The following SAMMSON variants were observed in gnomAD, a reference collection of about 807,000 sequenced individuals.
The protein encoded by SAMMSON is long intergenic non-protein coding RNA 1212.
intron 4 of SAMMSON, among the ~76,000 whole-genome samples, chr3:70,080,656 T>C (rs1025522037): frequency 4.6e-5 from 7 of 152,076 alleles, no homozygotes; most frequent in Non-Finnish European, 1.0e-4. Flanking sequence ...TAAATGACAT[T>C]AATTTACTCT....
At chr3:70,177,122 A>G (rs1229956325) in intron 4 of SAMMSON, among the ~76,000 whole-genome samples, 1 of 152,212 alleles carries the variant, frequency 6.6e-6, no homozygotes, top group African/African-American at 2.4e-5. Context: ...GAGAATATAT[A>G]TACATCTATT....
chr3:70,188,518 G>A (rs558326995), intron 4 of SAMMSON, among the ~76,000 whole-genome samples: 1 of 152,280 alleles, frequency 6.6e-6, no homozygotes, highest in South Asian at 2.1e-4. Context: ...ATTTCCTGGA[G>A]GAGTGAACAG....
chr3:70,104,333 A>G (rs1196036505), intron 4 of SAMMSON, among the ~76,000 whole-genome samples: 2 of 151,624 alleles, frequency 1.3e-5, no homozygotes, highest in Non-Finnish European at 2.9e-5. Context: ...CAATTTCCAT[A>G]TCTGTAACAT....
chr3:70,278,712 C>T (rs1053023073), intron 6 of SAMMSON, among the ~76,000 whole-genome samples: 3 of 152,062 alleles, frequency 2.0e-5, no homozygotes, highest in Non-Finnish European at 2.9e-5. Context: ...TGGTTGGAAC[C>T]CAGGTTTTGA....
At chr3:70,235,498 C>T (rs1701598552) in intron 4 of SAMMSON, among the ~76,000 whole-genome samples, 4 of 152,172 alleles carry the variant, frequency 2.6e-5, no homozygotes, top group Admixed American at 2.6e-4. Context: ...GAATGTTAAA[C>T]ACATGAATAC....
intron 4 of SAMMSON, among the ~76,000 whole-genome samples, chr3:70,152,450 G>A (rs531996107): frequency 1.3e-5 from 2 of 151,878 alleles, no homozygotes; most frequent in South Asian, 4.2e-4. Context: ...AGTGACAGTG[G>A]GTACCTTCTT....
At chr3:70,157,870 C>T (rs2067597876) in intron 4 of SAMMSON, among the ~76,000 whole-genome samples, 1 of 152,066 alleles carries the variant, frequency 6.6e-6, no homozygotes. Flanking sequence ...GCTTCAGTCA[C>T]ATCACTGATC....
At chr3:70,316,178 T>A (rs1702493030) in intron 7 of SAMMSON, among the ~76,000 whole-genome samples, 1 of 152,144 alleles carries the variant, frequency 6.6e-6, no homozygotes, top group African/African-American at 2.4e-5. Flanking sequence ...ATCTGCAAGA[T>A]TATCACACAT....
At chr3:70,050,429 A>T (rs1576108774) in intron 3 of SAMMSON, among the ~76,000 whole-genome samples, 3 of 152,278 alleles carry the variant, frequency 2.0e-5, no homozygotes, top group South Asian at 4.1e-4. Flanking sequence ...CGAAGGCTAT[A>T]GGGACAAGAA....
At chr3:70,255,376 T>G (rs1701806350) in intron 6 of SAMMSON, among the ~76,000 whole-genome samples, 1 of 152,178 alleles carries the variant, frequency 6.6e-6, no homozygotes, top group South Asian at 2.1e-4. Context: ...TGACATTTGG[T>G]TCATAATAAG....
chr3:70,396,713 A>G (rs1004863448), intron 2 of SAMMSON, among the ~76,000 whole-genome samples: 3 of 152,222 alleles, frequency 2.0e-5, no homozygotes, highest in Non-Finnish European at 4.4e-5. Context: ...TATGTTACAT[A>G]AGGCAAGCTA....
At chr3:70,046,454 T>G (rs2067127520) in intron 3 of SAMMSON, among the ~76,000 whole-genome samples, 1 of 152,294 alleles carries the variant, frequency 6.6e-6, no homozygotes, top group East Asian at 1.9e-4. Context: ...AATGGGTATT[T>G]TTGCAGCTGG....
intron 4 of SAMMSON, among the ~76,000 whole-genome samples, chr3:70,246,287 G>T (rs1701708005): frequency 6.6e-6 from 1 of 152,052 alleles, no homozygotes; most frequent in Non-Finnish European, 1.5e-5. Context: ...GTCACACTTT[G>T]TTACTTGAGC....
intron 4 of SAMMSON, among the ~76,000 whole-genome samples, chr3:70,110,527 T>A (rs148820472): frequency 4.9e-4 from 74 of 152,294 alleles, no homozygotes; most frequent in African/African-American, 1.6e-3. Flanking sequence ...TGGTCCAATG[T>A]CAGAATTCTC....
At chr3:70,317,740 G>T (rs960884784) in intron 7 of SAMMSON, among the ~76,000 whole-genome samples, 1 of 151,162 alleles carries the variant, frequency 6.6e-6, no homozygotes, top group African/African-American at 2.4e-5. Context: ...TACCATTTCT[G>T]GTTTTCTTCA....
chr3:70,227,538 G>A (rs1701519597), intron 4 of SAMMSON, among the ~76,000 whole-genome samples: 1 of 152,190 alleles, frequency 6.6e-6, no homozygotes. Flanking sequence ...GACAAAGTGA[G>A]TGGGCTGAAT....
chr3:70,353,077 A>T (rs1288125419), intron 7 of SAMMSON, among the ~76,000 whole-genome samples: 3 of 152,012 alleles, frequency 2.0e-5, no homozygotes, highest in Non-Finnish European at 1.5e-5. Flanking sequence ...TTATATTTAA[A>T]ATTTATCTTA....
intron 4 of SAMMSON, among the ~76,000 whole-genome samples, chr3:70,233,709 C>T (rs1701582998): frequency 1.3e-5 from 2 of 152,178 alleles, no homozygotes; most frequent in South Asian, 4.1e-4. Context: ...CAGATTGACT[C>T]AACTTCTAAA....
intron 4 of SAMMSON, among the ~76,000 whole-genome samples, chr3:70,105,047 C>G (rs1263992065): frequency 6.6e-6 from 1 of 152,076 alleles, no homozygotes; most frequent in Non-Finnish European, 1.5e-5. Context: ...CACCCTTTCT[C>G]AAGGATTGCC....
Sources: allele counts gnomAD v4.1 joint callset (sites outside exome capture counted in the v4.1 genomes callset), GRCh38; gene constraint gnomAD v4.1.1; transcripts MANE v1.5; gene names NCBI Gene and HGNC (gene_info 2026-07-23, HGNC 2026-07-21).